UGT1A9: variants seen among roughly 807,000 people sequenced by gnomAD.
UGT1A9 encodes the protein UDP glucuronosyltransferase family 1 member A9, also known as UDP-glucuronosyltransferase 1A9.
In UGT1A9, 35 loss-of-function variants were observed where a neutral mutation model predicts 45.0. The ratio of observed to expected loss-of-function variants is 0.78; its 90% CI spans 0.59 to 1.03. The LOEUF (loss-of-function observed/expected upper bound fraction) is 1.03. Among genes scored for constraint, UGT1A9 ranks in the 50% least tolerant of loss-of-function variants. UGT1A9 has a pLI of 0.00. For missense variants in UGT1A9, 687 were observed against 666.6 expected (o/e 1.03, Z -0.34); for synonymous variants, 278 against 250.6 (o/e 1.11, Z -1.03).
At chr2:233,752,737 C>A (rs1338142653) in intron 1 of UGT1A9, among the ~76,000 whole-genome samples, 1 of 152,024 alleles carries the variant, frequency 6.6e-6, no homozygotes. Flanking sequence ...AGAGAGAGAC[C>A]CTGTCTCTAA....
rs553351524 is a variant in UGT1A9, at chr2:233,769,411, G to A, written c.1295+972G>A. ...ATACTGTGTGCATATGTGCGTGTGC[G>A]TTTGTGCATGTGGCTGTGCTCATGT... is the stretch of plus-strand genomic sequence containing the variant. On this transcript the variant is annotated intron_variant, in intron 4 of 4. Coordinates refer to ENST00000354728, the MANE Select transcript of UGT1A9 (RefSeq NM_021027.3). This position sits in a 1 kb window ranked among gnomAD's most constrained non-coding sequence, Gnocchi z 4.4. 25 of 1,356,294 alleles carry A rather than the reference G, an allele frequency of 1.8e-5. No individual in the cohort carries two copies. The highest frequency in any genetic ancestry group is 8.6e-5 in the African/African-American group (6 of 69,942). The allele number at this position is 1,356,294 out of a possible 1,614,324, so 84.0% of individuals were successfully genotyped here. A position where few individuals can be genotyped will look rare whatever the true frequency, so the allele number is the denominator to read the frequency against.
chr2:233,676,145 C>G (rs923422051), intron 1 of UGT1A9, among the ~76,000 whole-genome samples: 1 of 152,166 alleles, frequency 6.6e-6, no homozygotes, highest in Non-Finnish European at 1.5e-5. Context: ...TGAGCTCCAG[C>G]GTCAGACTCC....
intron 1 of UGT1A9, among the ~76,000 whole-genome samples, chr2:233,705,589 C>CT (rs1259652270): frequency 6.6e-6 from 1 of 152,106 alleles, no homozygotes; most frequent in Non-Finnish European, 1.5e-5. Context: ...GTTTATGGAT[C>CT]TGGGAAAGGC....
rs1308023181 is a variant in UGT1A9, at chr2:233,747,199, G to A, written c.856-19835G>A. 45 of 1,604,092 alleles carry A rather than the reference G, an allele frequency of 2.8e-5. 2 individuals carry two copies. The highest frequency in any genetic ancestry group is 8.8e-5 in the South Asian group (8 of 90,422). On this transcript the variant is annotated intron_variant, in intron 1 of 4. Coordinates refer to ENST00000354728, the MANE Select transcript of UGT1A9 (RefSeq NM_021027.3). Reference sequence around the variant, plus strand: ...GCGTGGGGTGGACAGTCAGCTGTCCGTGTCTTCTGCTGAGATGGCCACAGG... The same window carrying A: ...GCGTGGGGTGGACAGTCAGCTGTCCATGTCTTCTGCTGAGATGGCCACAGG...
chr2:233,711,476 T>G (rs2076182629), intron 1 of UGT1A9, among the ~76,000 whole-genome samples: 1 of 152,172 alleles, frequency 6.6e-6, no homozygotes, highest in African/African-American at 2.4e-5. Context: ...GAGGCTGAGA[T>G]GTTGCACCCA....
At chr2:233,766,971 A>G (rs769177470) in intron 1 of UGT1A9, 63 bp from the exon 2 acceptor site, 76 of 1,610,288 alleles carry the variant, frequency 4.7e-5, no homozygotes, top group Non-Finnish European at 6.1e-5. Flanking sequence ...TTCATAACTT[A>G]CTGTATGTAG....
chr2:233,720,952 C>T (rs374895724), intron 1 of UGT1A9, among the ~76,000 whole-genome samples: 224 of 149,770 alleles, frequency 1.5e-3, no homozygotes, highest in African/African-American at 5.2e-3. Flanking sequence ...CTCATGTGAT[C>T]TGCCCGCCTC....
In UGT1A9 at chr2:233,752,546, T is replaced by C. The variant is rs530394828; in HGVS notation, c.856-14488T>C. ...TAAAAATTCTTTAAATAAAATGCTC[T>C]TGCTGGGACAACATAGTGGGTCAAC... is the stretch of plus-strand genomic sequence containing the variant. On this transcript the variant is annotated intron_variant, in intron 1 of 4. Coordinates refer to ENST00000354728, the MANE Select transcript of UGT1A9 (RefSeq NM_021027.3). The C allele has an allele frequency of 2.0e-5, 3 of 152,346 alleles. No homozygotes were observed. The East Asian group carries it at 5.8e-4, about 29-fold the overall frequency. The allele number at this position is 152,346 out of a possible 1,614,324, so 9.4% of individuals were successfully genotyped here.
At chr2:233,767,785 G>C (rs1699483415) in intron 2 of UGT1A9, 64 bp from the exon 3 acceptor site, 2 of 1,613,510 alleles carry the variant, frequency 1.2e-6, no homozygotes, top group Non-Finnish European at 1.7e-6. Flanking sequence ...AGTTAGTATA[G>C]CAGATTTGTT....
rs545970311 is a variant in UGT1A9, at chr2:233,731,854, C to T, written c.856-35180C>T. On this transcript the variant is annotated intron_variant, in intron 1 of 4. Coordinates refer to ENST00000354728, the MANE Select transcript of UGT1A9 (RefSeq NM_021027.3). The stretch of plus-strand genomic sequence containing the variant: ...TTCTAGTTCTAGGTCCTTGAGGAAT[C>T]GCCACACTGTCTTCCACAATGGTTG... 1.3e-4 allele frequency among the ~76,000 whole-genome samples: 20 copies of T among 152,300 alleles called. No individual in the cohort carries two copies. The East Asian group carries it at 2.7e-3, about 21-fold the overall frequency.
intron 1 of UGT1A9, among the ~76,000 whole-genome samples, chr2:233,702,589 A>G (rs2075695060): frequency 6.6e-6 from 1 of 152,126 alleles, no homozygotes; most frequent in Admixed American, 6.6e-5. Flanking sequence ...TCTTAACTGG[A>G]GATTTTTTGA....
intron 1 of UGT1A9, among the ~76,000 whole-genome samples, chr2:233,677,770 G>A (rs2074399162): frequency 6.6e-6 from 1 of 152,048 alleles, no homozygotes; most frequent in South Asian, 2.1e-4. Flanking sequence ...GTAGTTTGGA[G>A]ATTTTGCAAA....
intron 1 of UGT1A9, among the ~76,000 whole-genome samples, chr2:233,694,810 G>A (rs147477123): frequency 5.3e-5 from 8 of 152,290 alleles, no homozygotes; most frequent in Admixed American, 1.3e-4. Flanking sequence ...CAGGGATTCT[G>A]GGGCATGAAA....
intron 1 of UGT1A9, among the ~76,000 whole-genome samples, chr2:233,718,205 T>C (rs2076639631): frequency 6.6e-6 from 1 of 152,198 alleles, no homozygotes; most frequent in African/African-American, 2.4e-5. Context: ...AGCTTTTTTT[T>C]ATATTGACAG....
intron 1 of UGT1A9, among the ~76,000 whole-genome samples, chr2:233,695,649 A>G (rs2075301857): frequency 6.6e-6 from 1 of 151,872 alleles, no homozygotes; most frequent in African/African-American, 2.4e-5. Flanking sequence ...TTTTAGCTCC[A>G]CATATAAATG....
intron 1 of UGT1A9, among the ~76,000 whole-genome samples, chr2:233,714,112 T>G (rs1306472953): frequency 6.6e-6 from 1 of 152,094 alleles, no homozygotes; most frequent in Non-Finnish European, 1.5e-5. Flanking sequence ...GTGGTGTGAC[T>G]CACGGAGACT....
At chr2:233,727,226 G>A (rs1435452926) in intron 1 of UGT1A9, among the ~76,000 whole-genome samples, 6 of 152,126 alleles carry the variant, frequency 3.9e-5, no homozygotes, top group Non-Finnish European at 8.8e-5. Flanking sequence ...CCACATATGC[G>A]GATGGCTCCA....
At position 233,772,550 on chromosome 2, in the gene UGT1A9, G is replaced by A. The variant is rs762374323; in HGVS notation, c.1584G>A (p.Lys528=). The change falls in exon 5 of 5, where the codon AAG becomes AAA. Residue 528 remains lysine, a synonymous_variant. Transcript: ENST00000354728. ...GAGTTAAGAAAGCCCACAAATCCAA[G>A]ACCCATTGAGAAGTGGGTGGGAAAT... ...KGRVKKAHKS[K]TH 21 of 1,613,880 alleles carry A rather than the reference G, an allele frequency of 1.3e-5. No homozygotes were observed. The highest frequency in any genetic ancestry group is 1.5e-5 in the Non-Finnish European group (18 of 1,179,970).
At chr2:233,689,481 A>G (rs2074946128) in intron 1 of UGT1A9, among the ~76,000 whole-genome samples, 1 of 152,240 alleles carries the variant, frequency 6.6e-6, no homozygotes, top group African/African-American at 2.4e-5. Context: ...TTACAAGAAG[A>G]AATCGCAAAT....
Sources: allele counts gnomAD v4.1 joint callset (sites outside exome capture counted in the v4.1 genomes callset), GRCh38; gene constraint gnomAD v4.1.1; non-coding constraint Gnocchi (gnomAD v3.1); transcripts MANE v1.5; gene names NCBI Gene and HGNC (gene_info 2026-07-23, HGNC 2026-07-21).